The following NOS1 variants were observed in gnomAD, a reference collection of about 807,000 sequenced individuals.
The protein encoded by NOS1 is nitric oxide synthase 1.
NOS1 carries 51 observed loss-of-function variants against 164.5 expected under a neutral mutation model. That is an observed-to-expected ratio of 0.31 (90% CI 0.25 to 0.39). The LOEUF (loss-of-function observed/expected upper bound fraction) is 0.39. NOS1 is among the 10% of genes least tolerant of loss of function. The pLI is 1.00. For missense variants in NOS1, 1,362 were observed against 1,885.6 expected (o/e 0.72, Z 5.14); for synonymous variants, 719 against 745.8 (o/e 0.96, Z 0.59).
At chr12:117,348,328 T>G (rs1389383039) in intron 1 of NOS1, 1 of 152,174 alleles carries the variant, frequency 6.6e-6, no homozygotes, top group East Asian at 1.9e-4. Flanking sequence ...AAATCCTGAT[T>G]CTGTCATTTA....
At chr12:117,358,800 A>G (rs1003669099) in intron 1 of NOS1, among the ~76,000 whole-genome samples, 1 of 152,212 alleles carries the variant, frequency 6.6e-6, no homozygotes, top group African/African-American at 2.4e-5. Flanking sequence ...AAAAAATCAC[A>G]CAATTTGTGG....
intron 2 of NOS1, among the ~76,000 whole-genome samples, chr12:117,327,702 G>A (rs773221887): frequency 3.3e-5 from 5 of 152,174 alleles, no homozygotes; most frequent in Admixed American, 1.3e-4. Context: ...GTGTGTATTC[G>A]GTCCAAGACT....
At chr12:117,221,129 T>TA (rs1956697940) in intron 26 of NOS1, among the ~76,000 whole-genome samples, 1 of 144,768 alleles carries the variant, frequency 6.9e-6, no homozygotes, top group African/African-American at 2.7e-5. Context: ...GTTAAATTTA[T>TA]TTTTATTTAT....
At position 117,330,894 on chromosome 12, in the gene NOS1, T is replaced by C. The variant is rs779984791; in HGVS notation, c.176A>G (p.Gln59Arg). 1 of 1,614,112 alleles carries C rather than the reference T, an allele frequency of 6.2e-7. No individual in the cohort carries two copies. Among genetic ancestry groups the C allele is most frequent in the African/African-American group, 1.3e-5 (1 of 75,044 alleles). ...GGAAEQSGLI[Q>R]AGDIILAVNG... Reference sequence around the variant, plus strand: ...GACCGCAAGAATGATGTCTCCGGCCTGGATGAGGCCACTCTGCTCTGCGGC... The same window carrying C: ...GACCGCAAGAATGATGTCTCCGGCCCGGATGAGGCCACTCTGCTCTGCGGC... Residue 59 changes from glutamine to arginine, a missense_variant, in exon 2 of 29, where the codon CAG (glutamine) becomes CGG (arginine). Coordinates refer to ENST00000317775, the MANE Select transcript of NOS1 (RefSeq NM_000620.5). The surrounding 1 kb of genome is among the most constrained non-coding windows in gnomAD (Gnocchi z 4.6).
At chr12:117,277,848 C>T in intron 9 of NOS1, 111 bp downstream of exon 9, 1 of 1,307,856 alleles carries the variant, frequency 7.6e-7, no homozygotes, top group Non-Finnish European at 1.0e-6. Context: ...CCCCTTTCCC[C>T]TTTCAGCTTC....
chr12:117,214,850 C>CACAT lies in NOS1; in HGVS notation c.*458_*459insATGT. The CACAT allele has an allele frequency of 1.0e-6, 1 of 985,360 alleles. No homozygotes were observed. Among genetic ancestry groups the CACAT allele is most frequent in the South Asian group, 4.7e-5 (1 of 21,252 alleles). 61.0% of individuals were successfully genotyped at this position (985,360 alleles called of 1,614,324 possible). A position where few individuals can be genotyped will look rare whatever the true frequency, so the allele number is the denominator to read the frequency against. The stretch of plus-strand genomic sequence containing the variant: ...CTGGCCCATCACACACACACACACA[C>CACAT]ACACACACACACACACAGGCACGCA... On this transcript the variant is annotated 3_prime_UTR_variant, in exon 29 of 29. Transcript: ENST00000317775.
rs371373127 is a variant in NOS1, at chr12:117,220,234, C to T, written c.4011G>A (p.Ala1337=). 6.0e-5 allele frequency: 96 copies of T among 1,612,374 alleles called. 1 individual carries two copies. Among genetic ancestry groups the T allele is most frequent in the Non-Finnish European group, 7.0e-5 (83 of 1,179,748 alleles). ...YVQDILQEQL[A]ESVYRALKEQ... ...CCTTCAGGGCTCGGTACACAGACTC[C>T]GCCAGCTGCTCCTGCAGGATGTCCT... The change falls in exon 27 of 29, where the codon GCG becomes GCA. Residue 1337 remains alanine, a synonymous_variant. Transcript: ENST00000317775.
At position 117,272,707 on chromosome 12, in the gene NOS1, T is replaced by C. The variant is rs1293561137; in HGVS notation, c.1665-148A>G. The C allele has an allele frequency of 5.7e-6, 4 of 705,706 alleles. No individual in the cohort carries two copies. The highest frequency in any genetic ancestry group is 6.9e-6 in the Non-Finnish European group (3 of 432,940). 43.7% of individuals were successfully genotyped at this position (705,706 alleles called of 1,614,324 possible). A position where few individuals can be genotyped will look rare whatever the true frequency, so the allele number is the denominator to read the frequency against. ...TGGGCCCTGCTTCAGATCTGTGGAATTGCAGGTTCTGCAGCTGGGGGCCTG... is the reference window on the plus strand; with the variant it reads ...TGGGCCCTGCTTCAGATCTGTGGAACTGCAGGTTCTGCAGCTGGGGGCCTG... On this transcript the variant is annotated intron_variant, in intron 9 of 28. Coordinates refer to ENST00000317775, the MANE Select transcript of NOS1 (RefSeq NM_000620.5). The surrounding 1 kb of genome is among the most constrained non-coding windows in gnomAD (Gnocchi z 4.3).
intron 3 of NOS1, chr12:117,301,919 G>A (rs1213699779): frequency 1.1e-5 from 5 of 444,890 alleles, no homozygotes; most frequent in Non-Finnish European, 1.8e-5. Context: ...CAATAGTAAC[G>A]ACCCCAACAT....
rs558688664 is a variant in NOS1 at position 117,215,676 on chromosome 12, G to A, written c.4290-352C>T. 3.3e-5 allele frequency among the ~76,000 whole-genome samples: 5 copies of A among 151,866 alleles called. No individual in the cohort carries two copies. The South Asian group carries it at 1.0e-3, about 32-fold the overall frequency. On this transcript the variant is annotated intron_variant, in intron 28 of 28. Coordinates refer to ENST00000317775, the MANE Select transcript of NOS1 (RefSeq NM_000620.5). ...TCAAACTCCTGACCTCAGGTGATCTGCCCGCCTCAGCCTCCCAAAGTGCTG... is the reference window on the plus strand; with the variant it reads ...TCAAACTCCTGACCTCAGGTGATCTACCCGCCTCAGCCTCCCAAAGTGCTG...
At chr12:117,294,297 G>A (rs1030029242) in intron 3 of NOS1, among the ~76,000 whole-genome samples, 1 of 152,152 alleles carries the variant, frequency 6.6e-6, no homozygotes, top group Admixed American at 6.6e-5. Flanking sequence ...GAGGAGCAGG[G>A]TGTGGCCTGT....
At chr12:117,223,357 G>T (rs1868375291) in intron 25 of NOS1, among the ~76,000 whole-genome samples, 1 of 151,566 alleles carries the variant, frequency 6.6e-6, no homozygotes, top group Non-Finnish European at 1.5e-5. Flanking sequence ...CACCTCCCGG[G>T]TTCAATCCAT....
Position 117,330,347 on chromosome 12 carries a change from G to C in NOS1, c.723C>G (p.Asp241Glu). 6.2e-7 allele frequency: 1 copy of C among 1,608,814 alleles called. No homozygotes were observed. The highest frequency in any genetic ancestry group is 8.5e-7 in the Non-Finnish European group (1 of 1,177,442). The change falls in exon 2 of 29, where the codon GAC (aspartate) becomes GAG (glutamate). Residue 241 changes from aspartate to glutamate, a missense_variant and splice_region_variant. Around this residue, in one of 4 missense-constraint regions of NOS1, gnomAD observed 362 missense variants for 402.0 expected, o/e 0.90. Transcript: ENST00000317775. The surrounding 1 kb of genome is among the most constrained non-coding windows in gnomAD (Gnocchi z 4.6). ...ACACACACCCCTGTGGAGCTTACCT[G>C]TCCACCTGGATTCCCATATCTTTCA... ...AEMKDMGIQV[D>E]RDLDGKSHKP... is the part of the protein sequence containing the mutation.
chr12:117,222,692 G>C (rs1242847136), intron 26 of NOS1, 23 bp downstream of exon 26: 11 of 1,611,696 alleles, frequency 6.8e-6, no homozygotes, highest in Non-Finnish European at 9.3e-6. Context: ...GGCTGGGCTA[G>C]GGGGTGGGCT....
At chr12:117,316,255 G>A (rs551846) in intron 2 of NOS1, among the ~76,000 whole-genome samples, 58,324 of 151,748 alleles carry the variant, frequency 0.38, 11,529 homozygotes, top group Middle Eastern at 0.45. Context: ...TGGGGCACAC[G>A]TGGGGAAGTC....
Position 117,272,380 on chromosome 12 carries a change from C to G in NOS1, c.1839+5G>C. On this transcript the variant is annotated splice_donor_5th_base_variant and intron_variant, in intron 10 of 28. Coordinates refer to ENST00000317775, the MANE Select transcript of NOS1 (RefSeq NM_000620.5). This position sits in a 1 kb window ranked among gnomAD's most constrained non-coding sequence, Gnocchi z 4.3. Reference sequence around the variant, plus strand: ...TCCCCTGTGGTGACCAGAGAGGGCCCTTACCTCCAGGATATTGTAGCGGGA... The same window carrying G: ...TCCCCTGTGGTGACCAGAGAGGGCCGTTACCTCCAGGATATTGTAGCGGGA... The G allele has an allele frequency of 6.2e-7, 1 of 1,614,144 alleles. No individual in the cohort carries two copies. The highest frequency in any genetic ancestry group is 8.5e-7 in the Non-Finnish European group (1 of 1,180,008).
chr12:117,271,079 T>C (rs753018396), intron 10 of NOS1, among the ~76,000 whole-genome samples: 14 of 151,788 alleles, frequency 9.2e-5, no homozygotes, highest in Non-Finnish European at 1.8e-4. Context: ...AAGAAAAAAG[T>C]TTGCATTGCA....
chr12:117,279,567 A>G (rs1452084908), intron 8 of NOS1, among the ~76,000 whole-genome samples: 1 of 152,192 alleles, frequency 6.6e-6, no homozygotes, highest in Non-Finnish European at 1.5e-5. Flanking sequence ...AAAAGGTAAA[A>G]TTGCATGGTT....
Position 117,208,727 on chromosome 12 carries a change from G to A in NOS1, c.*6582C>T, listed in dbSNP as rs1956481301. 1 of 964,992 alleles carries A rather than the reference G, an allele frequency of 1.0e-6. No homozygotes were observed. The highest frequency in any genetic ancestry group is 1.2e-6 in the Non-Finnish European group (1 of 839,482). The allele number at this position is 964,992 out of a possible 1,614,324, so 59.8% of individuals were successfully genotyped here. A position where few individuals can be genotyped will look rare whatever the true frequency, so the allele number is the denominator to read the frequency against. On this transcript the variant is annotated 3_prime_UTR_variant, in exon 29 of 29. Coordinates refer to ENST00000317775, the MANE Select transcript of NOS1 (RefSeq NM_000620.5). ...CCATCCTCTGTTCTGGCATGGGAGG[G>A]CTTTTTTTTTTTTTTCCACAGGGTC...
Sources: gnomAD v4.1 joint callset for allele counts (sites outside exome capture counted in the v4.1 genomes callset) on GRCh38, gnomAD v4.1.1 for gene constraint, gnomAD v4.1.1 regional missense constraint, Gnocchi (gnomAD v3.1) non-coding constraint, MANE v1.5 for transcripts, NCBI Gene and HGNC (gene_info 2026-07-23, HGNC 2026-07-21) for gene names.